The following ALPK1 variants were observed in gnomAD, a reference collection of about 807,000 sequenced individuals.
ALPK1 encodes the protein alpha-protein kinase 1.
A neutral mutation model predicts 120.6 loss-of-function variants in ALPK1; 110 were observed. The observed-to-expected ratio is 0.91, with a 90% confidence interval of 0.78 to 1.07. ALPK1 has a LOEUF of 1.07. Ranked by LOEUF, ALPK1 falls within the 50% of genes least tolerant of loss-of-function variation. The pLI is 0.00. For synonymous variants in ALPK1, 582 were observed against 560.3 expected (o/e 1.04, Z -0.55); for missense variants, 1,498 against 1,483.9 (o/e 1.01, Z -0.16).
chr4:112,386,917 T>A (rs962852886), intron 4 of ALPK1, among the ~76,000 whole-genome samples: 1 of 152,192 alleles, frequency 6.6e-6, no homozygotes, highest in African/African-American at 2.4e-5. Flanking sequence ...CAAAACAATG[T>A]TTACACTCTG....
At chr4:112,333,970 TTTA>T (rs1729502722) in intron 2 of ALPK1, among the ~76,000 whole-genome samples, 1 of 152,120 alleles carries the variant, frequency 6.6e-6, no homozygotes, top group Non-Finnish European at 1.5e-5. Context: ...AGGCTTTATT[TTTA>T]TTTATTTTTT....
chr4:112,335,170 C>T (rs530960250), intron 2 of ALPK1, among the ~76,000 whole-genome samples: 3 of 151,602 alleles, frequency 2.0e-5, no homozygotes, highest in East Asian at 1.9e-4. Flanking sequence ...GCAGGAGAAT[C>T]GCTTGAATCC....
intron 2 of ALPK1, chr4:112,357,845 A>T: frequency 9.1e-7 from 1 of 1,101,228 alleles, no homozygotes; most frequent in Non-Finnish European, 1.4e-6. Flanking sequence ...TGGCAGGCCC[A>T]CTACTTGGCT....
At chr4:112,435,641 G>A (rs1241693608) in intron 12 of ALPK1, among the ~76,000 whole-genome samples, 1 of 148,222 alleles carries the variant, frequency 6.7e-6, no homozygotes, top group Non-Finnish European at 1.5e-5. Flanking sequence ...GCAAAAAAAG[G>A]TAAATTATGA....
At chr4:112,421,157 C>G (rs1733975752) in intron 5 of ALPK1, among the ~76,000 whole-genome samples, 1 of 152,156 alleles carries the variant, frequency 6.6e-6, no homozygotes, top group South Asian at 2.1e-4. Context: ...ATGAAAACAT[C>G]TCAGCGTACT....
chr4:112,414,058 G>A (rs2148750870), intron 5 of ALPK1, among the ~76,000 whole-genome samples: 1 of 152,350 alleles, frequency 6.6e-6, no homozygotes, highest in South Asian at 2.1e-4. Context: ...GAAGGACTGG[G>A]ACTGAGAGCA....
rs1734605730 is a variant in ALPK1, at chr4:112,432,375, AG to A, written c.2833del (p.Asp945ThrfsTer7). 1 of 1,613,902 alleles carries A rather than the reference AG, an allele frequency of 6.2e-7. No individual in the cohort carries two copies. The highest frequency in any genetic ancestry group is 1.3e-5 in the African/African-American group (1 of 74,884). ...KSPAFSSGSS[E>X]GDSPWSYLNS... Reference sequence around the variant, plus strand: ...CCTGCATTTTCCAGTGGTTCTTCTGAGGGGGACAGCCCTTGGTCCTATCTGA... The same window carrying A: ...CCTGCATTTTCCAGTGGTTCTTCTGAGGGGACAGCCCTTGGTCCTATCTGA... On this transcript the variant is annotated frameshift_variant, in exon 11 of 16. Transcript: ENST00000650871. LOFTEE classifies it high-confidence loss of function.
chr4:112,324,973 AAGG>A (rs1292011767), intron 2 of ALPK1, among the ~76,000 whole-genome samples: 4 of 107,458 alleles, frequency 3.7e-5, no homozygotes, highest in African/African-American at 1.4e-4. Context: ...AACCAAAAAA[AAGG>A]GGGGGGGGGG....
At chr4:112,350,777 T>C (rs1364987014) in intron 2 of ALPK1, among the ~76,000 whole-genome samples, 1 of 152,200 alleles carries the variant, frequency 6.6e-6, no homozygotes, top group African/African-American at 2.4e-5. Context: ...ACCTAGAATA[T>C]AGGTGGACAC....
chr4:112,369,701 A>C (rs953872160), intron 2 of ALPK1, among the ~76,000 whole-genome samples: 7 of 152,124 alleles, frequency 4.6e-5, no homozygotes, highest in Admixed American at 3.3e-4. Context: ...AAAGAAAAGA[A>C]AATTTGTTTT....
At chr4:112,369,218 A>G (rs1044299908) in intron 2 of ALPK1, among the ~76,000 whole-genome samples, 1 of 152,140 alleles carries the variant, frequency 6.6e-6, no homozygotes, top group Non-Finnish European at 1.5e-5. Flanking sequence ...CTCCCTTTTA[A>G]TGCAGTTTTA....
At chr4:112,382,644 C>A in intron 4 of ALPK1, 92 bp downstream of exon 4, 1 of 1,555,464 alleles carries the variant, frequency 6.4e-7, no homozygotes, top group African/African-American at 1.4e-5. Flanking sequence ...CTTTGAAGCA[C>A]AAGACAGCCC....
chr4:112,426,059 C>T (rs1734220259), intron 7 of ALPK1: 1 of 250,934 alleles, frequency 4.0e-6, no homozygotes, highest in East Asian at 9.2e-5. Flanking sequence ...TATGGTGACA[C>T]CTTATACTAT....
chr4:112,317,951 G>T lies in ALPK1; in HGVS notation c.-101+2099G>T, dbSNP rs541843215. Among the ~76,000 whole-genome samples, 4 of 152,250 alleles carry T rather than the reference G, an allele frequency of 2.6e-5. No homozygotes were observed. In the South Asian group the frequency reaches 8.3e-4, roughly 32 times the overall value. On this transcript the variant is annotated intron_variant, in intron 2 of 15. Transcript: ENST00000650871. Reference sequence around the variant, plus strand: ...GTACAAATGGAAGTATAATTGAAAGGTCTGAAAATATGCCTCAAACCACAA... The same window carrying T: ...GTACAAATGGAAGTATAATTGAAAGTTCTGAAAATATGCCTCAAACCACAA...
chr4:112,356,944 G>A, intron 2 of ALPK1: 2 of 761,818 alleles, frequency 2.6e-6, no homozygotes, highest in South Asian at 1.3e-5. Context: ...CCCATGACCC[G>A]AGTTCGGGAC....
intron 10 of ALPK1, among the ~76,000 whole-genome samples, chr4:112,429,620 G>A (rs1046260403): frequency 2.0e-5 from 3 of 152,100 alleles, no homozygotes; most frequent in African/African-American, 4.8e-5. Context: ...GATGGCTTGA[G>A]CCCAAAATTT....
At chr4:112,425,969 G>A (rs968804839) in intron 7 of ALPK1, 12 of 402,292 alleles carry the variant, frequency 3.0e-5, no homozygotes, top group South Asian at 5.7e-5. Context: ...AGAGGTTCAC[G>A]GTTGTATATT....
rs1245797455 is a variant in ALPK1, at chr4:112,426,487, G to C, written c.643G>C (p.Glu215Gln). The change falls in exon 8 of 16, where the codon GAG (glutamate) becomes CAG (glutamine). Residue 215 changes from glutamate to glutamine, a missense_variant. Glu to Gln is a conservative substitution (Grantham distance 29, BLOSUM62 2). Transcript: ENST00000650871. ...TTCAGGGATGTGGTACGAAGCAGCA[G>C]AGTTAATATGGGCCTCCATTGTAGG... is the stretch of plus-strand genomic sequence containing the variant. ...QKLGMWYEAA[E>Q]LIWASIVGYL... 3 of 1,605,116 alleles carry C rather than the reference G, an allele frequency of 1.9e-6. No individual in the cohort carries two copies. The highest frequency in any genetic ancestry group is 8.5e-7 in the Non-Finnish European group (1 of 1,176,618).
chr4:112,299,823 T>C lies in ALPK1; in HGVS notation c.-153+2354T>C, dbSNP rs375825232. The stretch of plus-strand genomic sequence containing the variant: ...CATATAATTGAAGGGATGCAGAAGA[T>C]AGCCAATACTTTTTCAAATAAGAGT... On this transcript the variant is annotated intron_variant, in intron 1 of 15. Coordinates refer to ENST00000650871, the MANE Select transcript of ALPK1 (RefSeq NM_025144.4). Among the ~76,000 whole-genome samples, 18 of 152,292 alleles carry C rather than the reference T, an allele frequency of 1.2e-4. No homozygotes were observed. In the South Asian group the frequency reaches 1.7e-3, roughly 14 times the overall value.
Sources: gnomAD v4.1 joint callset for allele counts (sites outside exome capture counted in the v4.1 genomes callset) on GRCh38, gnomAD v4.1.1 for gene constraint, MANE v1.5 for transcripts, NCBI Gene and HGNC (gene_info 2026-07-23, HGNC 2026-07-21) for gene names.